The following IL9R variants were observed in gnomAD, a reference collection of about 807,000 sequenced individuals.
IL9R encodes the protein interleukin-9 receptor.
A neutral mutation model predicts 56.3 loss-of-function variants in IL9R; 54 were observed. The ratio of observed to expected loss-of-function variants is 0.96; its 90% CI spans 0.77 to 1.20. IL9R has a LOEUF of 1.20. IL9R is among the 50% of genes most tolerant of loss of function. The pLI, the probability that IL9R is intolerant of heterozygous loss-of-function variation, is 0.00. For missense variants in IL9R, 545 were observed against 629.8 expected, an observed-to-expected ratio of 0.87 and a Z score of 1.44; for synonymous variants, 212 against 250.2, an observed-to-expected ratio of 0.85 and a Z score of 1.44.
intron 1 of IL9R, among the ~76,000 whole-genome samples, chrX:155,999,259 G>A (rs1407674878): frequency 6.6e-6 from 1 of 151,900 alleles, no homozygotes. Flanking sequence ...CTGGGTATGT[G>A]CCCTTGTCCA....
At chrX:156,005,568 C>T in intron 6 of IL9R, 89 bp downstream of exon 6, 1 of 1,107,408 alleles carries the variant, frequency 9.0e-7, no homozygotes, top group East Asian at 2.4e-5. Context: ...CCCTTTCACC[C>T]TCCTGTAAGC....
chrX:155,998,819 C>T (rs1041772989), intron 1 of IL9R, among the ~76,000 whole-genome samples: 2 of 151,998 alleles, frequency 1.3e-5, no homozygotes, highest in South Asian at 2.1e-4. Flanking sequence ...GTAGGGACAA[C>T]GCACAGTGAT....
chrX:155,998,674 A>G (rs2067302623), intron 1 of IL9R, among the ~76,000 whole-genome samples: 1 of 151,980 alleles, frequency 6.6e-6, no homozygotes, highest in Admixed American at 6.6e-5. Flanking sequence ...CTGGGTACCC[A>G]CAACATGAAC....
chrX:156,008,513 A>T (rs927627086), intron 8 of IL9R, among the ~76,000 whole-genome samples: 1 of 152,164 alleles, frequency 6.6e-6, no homozygotes, highest in African/African-American at 2.4e-5. Context: ...GGTAGATGTG[A>T]CTGTCAGGAG....
At position 155,997,740 on chromosome X, in the gene IL9R, G is replaced by T. The variant is rs1486706808; in HGVS notation, c.-20G>T. 1 of 1,613,390 alleles carries T rather than the reference G, an allele frequency of 6.2e-7. No individual in the cohort carries two copies. On this transcript the variant is annotated 5_prime_UTR_variant, in exon 1 of 9. Transcript: ENST00000244174. ...TTGGGTGACAAATCACCTCCAGGTT[G>T]GGGATGCCTCAGACTTGTGATGGGA...
At chrX:156,002,786 C>G in intron 1 of IL9R, 120 bp from the exon 2 acceptor site, 1 of 1,405,254 alleles carries the variant, frequency 7.1e-7, no homozygotes, top group Admixed American at 1.7e-5. Context: ...TGTTAGGACA[C>G]AGGACACTGT....
chrX:156,008,859 G>A (rs1414434635), intron 8 of IL9R, among the ~76,000 whole-genome samples: 225 of 151,730 alleles, frequency 1.5e-3, no homozygotes, highest in African/African-American at 5.2e-3. Context: ...ACAGCGATTC[G>A]TGTGTGTGTC....
rs748935258 is a variant in IL9R, at chrX:156,005,475, A to C, written c.777A>C (p.Arg259Ser). ...CTGTGTGCTTCCAGGCTCCCCAGAG[A>C]CAAGGTGGGCACTGCTGTGGCTGCT... is the stretch of plus-strand genomic sequence containing the variant. ...SQPVCFQAPQ[R>S]QGPLIPPWGW... The change falls in exon 6 of 9, where the codon AGA becomes AGC. Residue 259 changes from arginine to serine, a missense_variant. This residue lies in a region of IL9R where 431 missense variants were observed against 360.0 expected (regional missense o/e 1.20). Coordinates refer to ENST00000244174, the MANE Select transcript of IL9R (RefSeq NM_002186.3). The C allele has an allele frequency of 1.2e-6, 2 of 1,612,334 alleles. No individual in the cohort carries two copies. Among genetic ancestry groups the C allele is most frequent in the Non-Finnish European group, 8.5e-7 (1 of 1,179,530 alleles).
At chrX:156,007,159 G>A (rs1240889453) in intron 7 of IL9R, among the ~76,000 whole-genome samples, 1 of 148,810 alleles carries the variant, frequency 6.7e-6, no homozygotes, top group Admixed American at 6.7e-5. Context: ...TGGTGCTCAG[G>A]GAGACACTGG....
At chrX:155,999,156 A>G (rs2067338230) in intron 1 of IL9R, among the ~76,000 whole-genome samples, 1 of 152,004 alleles carries the variant, frequency 6.6e-6, no homozygotes, top group Admixed American at 6.6e-5. Context: ...GGGAGGGAAG[A>G]TGGCAGAGGG....
rs762218364 is a variant in IL9R at position 156,005,449 on chromosome X, C to T, written c.751C>T (p.Pro251Ser). 2 of 1,612,990 alleles carry T rather than the reference C, an allele frequency of 1.2e-6. No individual in the cohort carries two copies. The highest frequency in any genetic ancestry group is 1.3e-5 in the African/African-American group (1 of 74,992). Residue 251 changes from proline (P) to serine (S), a missense_variant, in exon 6 of 9, where the codon CCT becomes TCT. Pro to Ser is a moderately conservative substitution (Grantham distance 74). Around this residue, in one of 2 missense-constraint regions of IL9R, gnomAD observed 431 missense variants for 360.0 expected, o/e 1.20. Coordinates refer to ENST00000244174, the MANE Select transcript of IL9R (RefSeq NM_002186.3). ...YTGQWSEWSQ[P>S]VCFQAPQRQG... ...AGGCCAGTGGAGTGAGTGGAGCCAG[C>T]CTGTGTGCTTCCAGGCTCCCCAGAG...
chrX:156,003,268 C>T (rs983537103), intron 2 of IL9R, among the ~76,000 whole-genome samples, 181 bp from the exon 3 acceptor site: 9 of 152,100 alleles, frequency 5.9e-5, no homozygotes, highest in Non-Finnish European at 8.8e-5. Context: ...CTGACTTGCC[C>T]GTGTACCACA....
intron 1 of IL9R, among the ~76,000 whole-genome samples, chrX:156,000,204 G>T (rs1357237061): frequency 6.6e-6 from 1 of 151,852 alleles, no homozygotes; most frequent in South Asian, 2.1e-4. Context: ...AACAGTAAGT[G>T]GATGCAGTAA....
chrX:155,998,154 C>A (rs1200139002), intron 1 of IL9R, among the ~76,000 whole-genome samples: 1 of 151,878 alleles, frequency 6.6e-6, no homozygotes, highest in Non-Finnish European at 1.5e-5. Context: ...CATACTTGGG[C>A]CTCAGTTGTG....
intron 1 of IL9R, chrX:156,001,424 G>A (rs370291873): frequency 1.4e-5 from 22 of 1,610,048 alleles, no homozygotes; most frequent in African/African-American, 6.7e-5. Flanking sequence ...CTGCAAGAAC[G>A]GACAGACACT....
At chrX:156,007,216 C>T (rs1230763494) in intron 7 of IL9R, among the ~76,000 whole-genome samples, 224 of 476 alleles carry the variant, frequency 0.47, 8 homozygotes, top group South Asian at 0.52. Context: ...AGACAGGGTT[C>T]CTGGAGTGCT....
intron 8 of IL9R, among the ~76,000 whole-genome samples, chrX:156,008,537 C>T (rs1403333906): frequency 6.6e-5 from 10 of 152,224 alleles, no homozygotes; most frequent in African/African-American, 1.2e-4. Flanking sequence ...GGGCAGCTGA[C>T]GACAAGGCTG....
chrX:155,997,810 C>T, intron 1 of IL9R, 23 bp downstream of exon 1: 2 of 1,609,722 alleles, frequency 1.2e-6, no homozygotes, highest in African/African-American at 1.3e-5. Context: ...TTTGGGCTTC[C>T]CAACCTCTCA....
intron 1 of IL9R, among the ~76,000 whole-genome samples, chrX:156,000,935 A>G (rs1412644749): frequency 6.6e-6 from 1 of 152,122 alleles, no homozygotes; most frequent in Non-Finnish European, 1.5e-5. Flanking sequence ...TCTGAGCCTC[A>G]GTTTCTTCAT....
Sources: allele counts gnomAD v4.1 joint callset (sites outside exome capture counted in the v4.1 genomes callset), GRCh38; gene constraint gnomAD v4.1.1; regional missense constraint gnomAD v4.1.1; transcripts MANE v1.5; gene names NCBI Gene and HGNC (gene_info 2026-07-23, HGNC 2026-07-21).